MYO16: variants seen among roughly 807,000 people sequenced by gnomAD.
The protein encoded by MYO16 is unconventional myosin-XVI.
In MYO16, 94 loss-of-function variants were observed where a neutral mutation model predicts 205.3. The ratio of observed to expected loss-of-function variants is 0.46; its 90% CI spans 0.39 to 0.54. The LOEUF (loss-of-function observed/expected upper bound fraction) is 0.54. MYO16 is among the 20% of genes least tolerant of loss of function. The pLI, the probability that MYO16 is intolerant of heterozygous loss-of-function variation, is 0.00. For synonymous variants in MYO16, 988 were observed against 954.0 expected (o/e 1.04, Z -0.66); for missense variants, 2,315 against 2,387.5 (o/e 0.97, Z 0.63).
At chr13:109,100,725 A>C (rs964362021) in intron 27 of MYO16, 60 bp from the exon 28 acceptor site, 46 of 1,362,556 alleles carry the variant, frequency 3.4e-5, no homozygotes, top group Non-Finnish European at 4.8e-5. Flanking sequence ...AGCCCTGTTG[A>C]ATGTGATCAT....
chr13:108,906,949 A>T (rs77307593), intron 15 of MYO16, among the ~76,000 whole-genome samples: 2,311 of 152,312 alleles, frequency 0.015, 17 homozygotes, highest in Non-Finnish European at 0.026. Context: ...GAATAATGAG[A>T]TGGAAAGAAA....
At chr13:108,583,123 A>G in the MYO16 span, among the ~76,000 whole-genome samples, 15 of 152,190 alleles carry the variant, frequency 9.9e-5, no homozygotes, top group African/African-American at 3.4e-4. Flanking sequence ...TGGCTGTTAC[A>G]GTTTATATAA....
intron 4 of MYO16, among the ~76,000 whole-genome samples, chr13:108,764,269 G>A (rs188165524): frequency 4.9e-4 from 75 of 152,294 alleles, no homozygotes; most frequent in African/African-American, 1.5e-3. Flanking sequence ...AGGTGTTGGT[G>A]CCATAATGTG....
intron 1 of MYO16, among the ~76,000 whole-genome samples, chr13:108,663,364 A>G (rs1241907647): frequency 6.6e-6 from 1 of 151,866 alleles, no homozygotes; most frequent in Non-Finnish European, 1.5e-5. Context: ...CGATTCATAG[A>G]CATATACGTA....
At chr13:109,060,800 A>T (rs931492476) in intron 27 of MYO16, among the ~76,000 whole-genome samples, 1 of 152,138 alleles carries the variant, frequency 6.6e-6, no homozygotes, top group Admixed American at 6.5e-5. Flanking sequence ...TACCAGCTGT[A>T]TTAGCCCCTC....
chr13:108,504,887 A>G, the MYO16 span, among the ~76,000 whole-genome samples: 1,112 of 152,248 alleles, frequency 7.3e-3, 13 homozygotes, highest in African/African-American at 0.021. Context: ...TAGGTACTTC[A>G]TGTAAGTGGA....
chr13:108,576,259 G>A, the MYO16 span, among the ~76,000 whole-genome samples: 3 of 152,184 alleles, frequency 2.0e-5, no homozygotes, highest in African/African-American at 4.8e-5. Context: ...CTGGCTCCTA[G>A]AAGGAGGAAT....
chr13:108,713,430 G>T (rs2139551445), intron 3 of MYO16, among the ~76,000 whole-genome samples: 1 of 152,302 alleles, frequency 6.6e-6, no homozygotes, highest in Admixed American at 6.5e-5. Context: ...AACTGTAGTA[G>T]AGGGGGTCAT....
Position 109,178,293 on chromosome 13 carries a change from C to T in MYO16, c.5324-1249C>T, listed in dbSNP as rs558095032. ...GATCTGTTCTCCAGCAAGAGACCCC[C>T]CCCACCCACTAGCCATTGTCCGCCC... is the stretch of plus-strand genomic sequence containing the variant. On this transcript the variant is annotated intron_variant, in intron 33 of 34. Transcript: ENST00000457511. 2.6e-5 allele frequency among the ~76,000 whole-genome samples: 4 copies of T among 152,184 alleles called. No homozygotes were observed. In the East Asian group the frequency reaches 7.7e-4, roughly 29 times the overall value.
Position 109,120,371 on chromosome 13 carries a change from TG to T in MYO16, c.3443del (p.Gly1148GlufsTer7). ...LQQCKLQGWQ[M>X]GVRKVFLKYW... ...GTTTCCCTGCTGTTTGCATTTTAGA[TG>T]GGAGTCCGAAAAGTGTTTCTAAAAT... On this transcript the variant is annotated frameshift_variant and splice_region_variant, in exon 29 of 35. Transcript: ENST00000457511. LOFTEE classifies it high-confidence loss of function. The T allele has an allele frequency of 6.2e-7, 1 of 1,601,916 alleles. No homozygotes were observed. Among genetic ancestry groups the T allele is most frequent in the Non-Finnish European group, 8.5e-7 (1 of 1,174,022 alleles).
At chr13:108,958,509 C>T (rs946135793) in intron 17 of MYO16, among the ~76,000 whole-genome samples, 3 of 152,010 alleles carry the variant, frequency 2.0e-5, no homozygotes, top group Non-Finnish European at 4.4e-5. Context: ...AGATCATGGC[C>T]GTGCCGTAGA....
At chr13:108,631,861 TG>T (rs1879995985) in intron 1 of MYO16, among the ~76,000 whole-genome samples, 1 of 152,178 alleles carries the variant, frequency 6.6e-6, no homozygotes, top group Non-Finnish European at 1.5e-5. Flanking sequence ...GCGGATCACC[TG>T]AGGTCAGGAG....
At chr13:108,749,639 G>A (rs563462287) in intron 4 of MYO16, among the ~76,000 whole-genome samples, 8 of 152,322 alleles carry the variant, frequency 5.3e-5, no homozygotes, top group South Asian at 4.1e-4. Context: ...ACATTCAGAG[G>A]TAACGATGTG....
Position 108,714,057 on chromosome 13 carries a change from TTTG to T in MYO16, c.363+1342_363+1344del, listed in dbSNP as rs917329423. ...TCGTAAGCCTGTTTTTTTGTTTGTTTTTGTTGTTGTTGTTGTTGAGACAGAGTC... is the reference window on the plus strand; with the variant it reads ...TCGTAAGCCTGTTTTTTTGTTTGTTTTTGTTGTTGTTGTTGAGACAGAGTC... On this transcript the variant is annotated intron_variant, in intron 3 of 34. Coordinates refer to ENST00000457511, the MANE Select transcript of MYO16 (RefSeq NM_001198950.3). Among the ~76,000 whole-genome samples the T allele has an allele frequency of 1.1e-4, 16 of 152,070 alleles. No homozygotes were observed. In the East Asian group the frequency reaches 1.2e-3, roughly 11 times the overall value.
chr13:108,545,463 A>G, the MYO16 span, among the ~76,000 whole-genome samples: 1 of 152,220 alleles, frequency 6.6e-6, no homozygotes, highest in Non-Finnish European at 1.5e-5. Context: ...TGTGATGAAC[A>G]TACGAGTACA....
At chr13:108,742,829 CACTT>C (rs1434450666) in intron 4 of MYO16, among the ~76,000 whole-genome samples, 1 of 152,184 alleles carries the variant, frequency 6.6e-6, no homozygotes, top group Non-Finnish European at 1.5e-5. Context: ...TCTGCTCAGT[CACTT>C]GCTTGCTGAG....
At chr13:108,593,663 T>C (rs1184252872), upstream of MYO16, among the ~76,000 whole-genome samples, 2 of 152,218 alleles carry the variant, frequency 1.3e-5, no homozygotes, top group African/African-American at 2.4e-5. Context: ...ACTGAGGATA[T>C]GGATACATTT....
the MYO16 span, among the ~76,000 whole-genome samples, chr13:108,526,828 T>C: frequency 1.3e-5 from 2 of 152,198 alleles, no homozygotes; most frequent in Middle Eastern, 3.2e-3. Context: ...ATTCTACTGC[T>C]AATATTTCTC....
At chr13:108,496,942 G>T in the MYO16 span, among the ~76,000 whole-genome samples, 2 of 152,208 alleles carry the variant, frequency 1.3e-5, no homozygotes, top group Non-Finnish European at 2.9e-5. Context: ...GAAGCCCGGA[G>T]CCTCTTCTGA....
Sources: allele counts gnomAD v4.1 joint callset (sites outside exome capture counted in the v4.1 genomes callset), GRCh38; gene constraint gnomAD v4.1.1; transcripts MANE v1.5; gene names NCBI Gene and HGNC (gene_info 2026-07-23, HGNC 2026-07-21).